Variants in RGS7BP observed in about 807,000 individuals in gnomAD.
RGS7BP encodes the protein regulator of G protein signaling 7 binding protein, also known as regulator of G protein signaling 7-binding protein.
A neutral mutation model predicts 31.3 loss-of-function variants in RGS7BP; 9 were observed. That is an observed-to-expected ratio of 0.29 (90% CI 0.17 to 0.50). The LOEUF (loss-of-function observed/expected upper bound fraction) is 0.50, where lower values mean the gene tolerates loss of function less well. RGS7BP is among the 20% of genes least tolerant of loss of function. The pLI, the probability that RGS7BP is intolerant of heterozygous loss-of-function variation, is 0.98. For missense variants in RGS7BP, 274 were observed against 322.0 expected (o/e 0.85, Z 1.14); for synonymous variants, 115 against 120.1 (o/e 0.96, Z 0.28).
chr5:64,575,560 T>C, intron 2 of RGS7BP: 1 of 775,858 alleles, frequency 1.3e-6, no homozygotes, highest in South Asian at 4.4e-5. Context: ...ACTCTGCTGC[T>C]GAAGGGGAAA....
intron 2 of RGS7BP, among the ~76,000 whole-genome samples, chr5:64,543,254 T>C (rs1047312235): frequency 6.6e-6 from 1 of 152,232 alleles, no homozygotes; most frequent in Admixed American, 6.5e-5. Flanking sequence ...TTTGTCAACA[T>C]CAGCCAAGAC....
chr5:64,544,859 A>C (rs1368996006), intron 2 of RGS7BP, among the ~76,000 whole-genome samples: 1 of 152,134 alleles, frequency 6.6e-6, no homozygotes, highest in Non-Finnish European at 1.5e-5. Context: ...GGTAAGCAGG[A>C]ACCATGTTGT....
intron 2 of RGS7BP, among the ~76,000 whole-genome samples, chr5:64,558,574 C>A (rs1167991485): frequency 6.6e-6 from 1 of 152,012 alleles, no homozygotes; most frequent in African/African-American, 2.4e-5. Flanking sequence ...TTTCGTAAAG[C>A]CTGTGTTTTT....
At position 64,506,419 on chromosome 5, in the gene RGS7BP, G is replaced by C; in HGVS notation, c.-206G>C. On this transcript the variant is annotated 5_prime_UTR_variant, in exon 1 of 6. Transcript: ENST00000334025. The surrounding 1 kb of genome is among the most constrained non-coding windows in gnomAD (Gnocchi z 4.6). Reference sequence around the variant, plus strand: ...TCGCGCTCCTTCCTCGCTGCTAGTGGAAGCGATGCTGCACGGCACAGCTAG... The same window carrying C: ...TCGCGCTCCTTCCTCGCTGCTAGTGCAAGCGATGCTGCACGGCACAGCTAG... The C allele has an allele frequency of 2.4e-6, 1 of 424,808 alleles. No homozygotes were observed. The highest frequency in any genetic ancestry group is 4.1e-6 in the Non-Finnish European group (1 of 241,078). 26.3% of individuals were successfully genotyped at this position (424,808 alleles called of 1,614,324 possible).
rs923997165 is a variant in RGS7BP at position 64,608,410 on chromosome 5, G to T, written c.683-751G>T. Reference sequence around the variant, plus strand: ...CCAAAACTTATTAATTCAACAGCTGGCAGTCTTCTATGAATGCCCTTGTGT... The same window carrying T: ...CCAAAACTTATTAATTCAACAGCTGTCAGTCTTCTATGAATGCCCTTGTGT... On this transcript the variant is annotated intron_variant, in intron 5 of 5. Coordinates refer to ENST00000334025, the MANE Select transcript of RGS7BP (RefSeq NM_001029875.3). Among the ~76,000 whole-genome samples, 3 of 151,890 alleles carry T rather than the reference G, an allele frequency of 2.0e-5. No homozygotes were observed. In the East Asian group the frequency reaches 5.8e-4, roughly 29 times the overall value.
intron 5 of RGS7BP, among the ~76,000 whole-genome samples, chr5:64,604,015 G>T (rs1743289682): frequency 6.6e-6 from 1 of 152,204 alleles, no homozygotes; most frequent in Admixed American, 6.5e-5. Context: ...GAAAAGAGAG[G>T]TGGCAAGTGC....
At chr5:64,608,791 T>C (rs976786278) in intron 5 of RGS7BP, among the ~76,000 whole-genome samples, 1 of 152,024 alleles carries the variant, frequency 6.6e-6, no homozygotes, top group African/African-American at 2.4e-5. Flanking sequence ...TTCTTTCAAA[T>C]AAGGTATATA....
Position 64,508,238 on chromosome 5 carries a change from C to A in RGS7BP, c.332+361C>A, listed in dbSNP as rs6861040. Among the ~76,000 whole-genome samples the A allele has an allele frequency of 8.7e-3, 1,324 of 152,244 alleles. 22 individuals carry two copies. The highest frequency in any genetic ancestry group is 0.029 in the African/African-American group (1,202 of 41,552). On this transcript the variant is annotated intron_variant, in intron 2 of 5. Coordinates refer to ENST00000334025, the MANE Select transcript of RGS7BP (RefSeq NM_001029875.3). ...AATTATTTTGTCATCTGCTGCTGAACAAAAGGCCTGTGCTGTAGAGAAAAA... is the reference window on the plus strand; with the variant it reads ...AATTATTTTGTCATCTGCTGCTGAAAAAAAGGCCTGTGCTGTAGAGAAAAA...
chr5:64,556,378 C>A (rs4700637), intron 2 of RGS7BP, among the ~76,000 whole-genome samples: 109,851 of 138,898 alleles, frequency 0.79, 43,703 homozygotes, highest in African/African-American at 0.89. Flanking sequence ...TTTATGATAT[C>A]GTGATAAGTA....
chr5:64,517,238 A>C (rs1339519436), intron 2 of RGS7BP, among the ~76,000 whole-genome samples: 1 of 152,222 alleles, frequency 6.6e-6, no homozygotes, highest in African/African-American at 2.4e-5. Context: ...CAGATGGATC[A>C]GCTCTCCTTA....
At chr5:64,530,762 CT>C (rs11424081) in intron 2 of RGS7BP, among the ~76,000 whole-genome samples, 37 of 146,390 alleles carry the variant, frequency 2.5e-4, no homozygotes, top group Admixed American at 3.4e-4. Context: ...AGGGTTTTTT[CT>C]TTTTTTTTTG....
Position 64,610,412 on chromosome 5 carries a change from C to G in RGS7BP, c.*1160C>G, listed in dbSNP as rs1249073460. 2 of 152,064 alleles carry G rather than the reference C, an allele frequency of 1.3e-5. No individual in the cohort carries two copies. Among genetic ancestry groups the G allele is most frequent in the Admixed American group, 1.3e-4 (2 of 15,236 alleles). 9.4% of individuals were successfully genotyped at this position (152,064 alleles called of 1,614,324 possible). A position where few individuals can be genotyped will look rare whatever the true frequency, so the allele number is the denominator to read the frequency against. The stretch of plus-strand genomic sequence containing the variant: ...GGTACAAATTTTGTTATACCGTCTC[C>G]TGTTCTTCCTTTGGCCCATTTCCCA... On this transcript the variant is annotated 3_prime_UTR_variant, in exon 6 of 6. Coordinates refer to ENST00000334025, the MANE Select transcript of RGS7BP (RefSeq NM_001029875.3).
chr5:64,535,555 TAAAG>T (rs944248939), intron 2 of RGS7BP, among the ~76,000 whole-genome samples: 1 of 152,114 alleles, frequency 6.6e-6, no homozygotes, highest in African/African-American at 2.4e-5. Context: ...AAAATGCCTA[TAAAG>T]AAAGAAAGAA....
At chr5:64,538,979 C>T (rs1391369637) in intron 2 of RGS7BP, among the ~76,000 whole-genome samples, 1 of 152,090 alleles carries the variant, frequency 6.6e-6, no homozygotes, top group Non-Finnish European at 1.5e-5. Flanking sequence ...TGCAGCTGTG[C>T]CCCAGTTTGT....
At chr5:64,546,680 T>TA (rs1312397919) in intron 2 of RGS7BP, among the ~76,000 whole-genome samples, 1 of 7,302 alleles carries the variant, frequency 1.4e-4, no homozygotes, top group Non-Finnish European at 2.5e-4. Context: ...AGATTAAGAA[T>TA]TTTTTTTTAA....
At chr5:64,575,522 G>A in intron 2 of RGS7BP, 1 of 229,896 alleles carries the variant, frequency 4.3e-6, no homozygotes, top group South Asian at 1.6e-4. Flanking sequence ...ATTATGTAAA[G>A]CATTTATGAT....
intron 5 of RGS7BP, among the ~76,000 whole-genome samples, chr5:64,608,319 T>G (rs889565355): frequency 5.3e-5 from 8 of 152,042 alleles, no homozygotes; most frequent in African/African-American, 1.9e-4. Context: ...AACCCAACTC[T>G]TTAAACCAGA....
At chr5:64,559,328 G>C (rs1293423839) in intron 2 of RGS7BP, among the ~76,000 whole-genome samples, 2 of 152,084 alleles carry the variant, frequency 1.3e-5, no homozygotes, top group Non-Finnish European at 2.9e-5. Flanking sequence ...TTGGGGACTG[G>C]TTCCCCCGAT....
intron 2 of RGS7BP, among the ~76,000 whole-genome samples, chr5:64,548,358 A>T (rs1741709326): frequency 6.6e-6 from 1 of 152,222 alleles, no homozygotes; most frequent in African/African-American, 2.4e-5. Flanking sequence ...CCTTTATAAA[A>T]GTGACACTGA....
Sources: allele counts gnomAD v4.1 joint callset (sites outside exome capture counted in the v4.1 genomes callset), GRCh38; gene constraint gnomAD v4.1.1; non-coding constraint Gnocchi (gnomAD v3.1); transcripts MANE v1.5; gene names NCBI Gene and HGNC (gene_info 2026-07-23, HGNC 2026-07-21).